NOS2: variants seen among roughly 807,000 people sequenced by gnomAD.
NOS2 encodes nitric oxide synthase 2.
NOS2 carries 96 observed loss-of-function variants against 136.0 expected under a neutral mutation model. The observed-to-expected ratio is 0.71, with a 90% CI of 0.60 to 0.84. The LOEUF is 0.84. NOS2 is among the 40% of genes least tolerant of loss of function. NOS2 has a pLI of 0.00. For synonymous variants in NOS2, 539 were observed against 587.5 expected, an observed-to-expected ratio of 0.92 and a Z score of 1.20; for missense variants, 1,237 against 1,496.9, an observed-to-expected ratio of 0.83 and a Z score of 2.87.
At chr17:27,769,640 T>G in intron 15 of NOS2, 56 bp from the exon 16 acceptor site, 4 of 1,471,606 alleles carry the variant, frequency 2.7e-6, no homozygotes, top group Non-Finnish European at 3.8e-6. Flanking sequence ...AAACACTGTT[T>G]TTTCCTTTCT....
At chr17:27,782,903 C>T (rs544383703) in intron 6 of NOS2, 41 bp downstream of exon 6, 1 of 1,603,530 alleles carries the variant, frequency 6.2e-7, no homozygotes, top group Admixed American at 1.7e-5. Flanking sequence ...CAGGGCCTGG[C>T]CGCCTCCAGC....
intron 24 of NOS2, 144 bp from the exon 25 acceptor site, chr17:27,760,322 G>A (rs1344495432): frequency 9.0e-6 from 8 of 891,760 alleles, no homozygotes; most frequent in Non-Finnish European, 9.9e-6. Context: ...GAGGCCCAGC[G>A]CATTCAGATC....
intron 26 of NOS2, among the ~76,000 whole-genome samples, chr17:27,758,332 C>T (rs180970839): frequency 6.6e-6 from 1 of 152,286 alleles, no homozygotes; most frequent in Non-Finnish European, 1.5e-5. Flanking sequence ...AAAGGGGGTG[C>T]CTCCCTCATA....
intron 5 of NOS2, 116 bp from the exon 6 acceptor site, chr17:27,783,222 AC>A: frequency 8.8e-7 from 1 of 1,137,074 alleles, no homozygotes; most frequent in Non-Finnish European, 1.3e-6. Flanking sequence ...GATGCCTCTC[AC>A]CAGAGACAGC....
intron 7 of NOS2, among the ~76,000 whole-genome samples, 178 bp from the exon 8 acceptor site, chr17:27,781,355 C>T (rs1228775924): frequency 6.6e-6 from 1 of 152,204 alleles, no homozygotes; most frequent in Non-Finnish European, 1.5e-5. Flanking sequence ...CCAGGGTCCA[C>T]CCCCTCAAGG....
At chr17:27,762,138 G>A (rs28944197) in intron 22 of NOS2, among the ~76,000 whole-genome samples, 8,243 of 150,260 alleles carry the variant, frequency 0.055, 509 homozygotes, top group East Asian at 0.19. Flanking sequence ...CTATGGCAGC[G>A]TCACCCCCTG....
Position 27,783,021 on chromosome 17 carries a change from C to T in NOS2, c.553G>A (p.Glu185Lys). 1.2e-6 allele frequency: 2 copies of T among 1,614,194 alleles called. No individual in the cohort carries two copies. Among genetic ancestry groups the T allele is most frequent in the South Asian group, 1.1e-5 (1 of 91,082 alleles). The part of the protein sequence containing the change: ...TTGTYQLTGD[E>K]LIFATKQAWR... The stretch of plus-strand genomic sequence containing the variant: ...GCCTGCTTGGTGGCGAAGATGAGCT[C>T]ATCTCCCGTCAGTTGGTAGGTTCCT... The change falls in exon 6 of 27, where the codon GAG becomes AAG. Residue 185 changes from glutamate (E) to lysine (K), a missense_variant. Glu to Lys is a moderately conservative substitution (Grantham distance 56). Transcript: ENST00000313735.
At chr17:27,759,196 T>C (rs910014506) in intron 25 of NOS2, 121 bp from the exon 26 acceptor site, 16 of 649,434 alleles carry the variant, frequency 2.5e-5, no homozygotes, top group Non-Finnish European at 3.6e-5. Flanking sequence ...TGAGTCCCCT[T>C]CCAGCCAGGA....
At chr17:27,759,137 G>A in intron 25 of NOS2, 62 bp from the exon 26 acceptor site, 2 of 1,275,910 alleles carry the variant, frequency 1.6e-6, no homozygotes, top group South Asian at 1.6e-5. Context: ...TTGCAGGCAG[G>A]CCTGCTGGCC....
At chr17:27,758,483 G>C (rs1908002064) in intron 26 of NOS2, among the ~76,000 whole-genome samples, 1 of 152,184 alleles carries the variant, frequency 6.6e-6, no homozygotes, top group Non-Finnish European at 1.5e-5. Flanking sequence ...AGGGTGAGCA[G>C]ACACCAGCCT....
chr17:27,760,385 A>G (rs1167611881), intron 24 of NOS2, among the ~76,000 whole-genome samples: 1 of 152,226 alleles, frequency 6.6e-6, no homozygotes, highest in African/African-American at 2.4e-5. Flanking sequence ...CCCTCAGCCA[A>G]TCGGAGATCA....
chr17:27,800,298 C>T (rs1909488693), intron 1 of NOS2, 41 bp downstream of exon 1: 1 of 152,210 alleles, frequency 6.6e-6, no homozygotes, highest in Non-Finnish European at 1.5e-5. Flanking sequence ...AAACAAAACC[C>T]TCTCAAAACA....
intron 5 of NOS2, among the ~76,000 whole-genome samples, chr17:27,786,152 G>A (rs1266745061): frequency 6.6e-6 from 1 of 151,808 alleles, no homozygotes; most frequent in African/African-American, 2.4e-5. Context: ...GCCGGGCTCG[G>A]TGGCTCACGC....
chr17:27,768,914 G>A, intron 17 of NOS2, 63 bp downstream of exon 17: 1 of 1,483,082 alleles, frequency 6.7e-7, no homozygotes, highest in Non-Finnish European at 9.0e-7. Context: ...CAGCACAGAT[G>A]TCCTAGGCAT....
chr17:27,772,323 A>C lies in NOS2; in HGVS notation c.1689T>G (p.Cys563Trp), dbSNP rs1908522275. The C allele has an allele frequency of 1.9e-6, 3 of 1,614,052 alleles. No individual in the cohort carries two copies. Among genetic ancestry groups the C allele is most frequent in the African/African-American group, 2.7e-5 (2 of 74,936 alleles). Residue 563 changes from cysteine (C) to tryptophan (W), a missense_variant, in exon 14 of 27, where the codon TGT becomes TGG. Physicochemically the swap from Cys to Trp is radical, Grantham distance 215. Coordinates refer to ENST00000313735, the MANE Select transcript of NOS2 (RefSeq NM_000625.4). ...GAGCCAGTACCTTGGGGTTGAAGGC[A>C]CAGCTGAATAAGGCCCCCAGGTCCC... ...LAWDLGALFS[C>W]AFNPKVVCMD...
intron 16 of NOS2, 149 bp downstream of exon 16, chr17:27,769,386 G>A (rs1009329982): frequency 1.0e-5 from 8 of 764,566 alleles, no homozygotes; most frequent in Middle Eastern, 3.8e-4. Flanking sequence ...TTTGACCCTC[G>A]ACACATTCTG....
intron 13 of NOS2, among the ~76,000 whole-genome samples, 179 bp from the exon 14 acceptor site, chr17:27,772,631 C>T (rs1426206342): frequency 6.6e-6 from 1 of 152,162 alleles, no homozygotes; most frequent in Non-Finnish European, 1.5e-5. Flanking sequence ...CCCTCACCCA[C>T]TACTATAGGC....
chr17:27,759,192 CCCTTCCAGCCAGGA>C (rs1253945985), intron 25 of NOS2, 117 bp from the exon 26 acceptor site: 3 of 669,972 alleles, frequency 4.5e-6, no homozygotes, highest in Non-Finnish European at 7.4e-6. Context: ...GGAGTGAGTC[CCCTTCCAGCCAGGA>C]CCTTGCAAGG....
At chr17:27,771,073 C>CCTGCCCAGGGTGT in intron 14 of NOS2, 56 bp from the exon 15 acceptor site, 4 of 1,269,644 alleles carry the variant, frequency 3.2e-6, no homozygotes, top group Non-Finnish European at 3.4e-6. Flanking sequence ...CCCTCCCTAC[C>CCTGCCCAGGGTGT]CTGCGCAGAC....
Sources: allele counts gnomAD v4.1 joint callset (sites outside exome capture counted in the v4.1 genomes callset), GRCh38; gene constraint gnomAD v4.1.1; transcripts MANE v1.5; gene names NCBI Gene and HGNC (gene_info 2026-07-23, HGNC 2026-07-21).